The following ATP11A variants were observed in gnomAD, a reference collection of about 807,000 sequenced individuals.
The protein encoded by ATP11A is ATPase phospholipid transporting 11A, also known as phospholipid-transporting ATPase IH.
Under a neutral mutation model 154.4 loss-of-function variants are expected in ATP11A, and 81 were observed. The ratio of observed to expected loss-of-function variants is 0.52; its 90% CI spans 0.44 to 0.63. The LOEUF is 0.63. Ranked by LOEUF, ATP11A falls within the 30% of genes least tolerant of loss-of-function variation. The probability of loss-of-function intolerance (pLI) is 0.00; values close to 1 mark genes in which losing one functional copy is unlikely to be tolerated. For missense variants in ATP11A, 1,316 were observed against 1,474.3 expected, an observed-to-expected ratio of 0.89 and a Z score of 1.76; for synonymous variants, 623 against 585.9, an observed-to-expected ratio of 1.06 and a Z score of -0.91.
intron 4 of ATP11A, among the ~76,000 whole-genome samples, chr13:112,809,326 A>T (rs2078420014): frequency 6.6e-6 from 1 of 152,140 alleles, no homozygotes; most frequent in South Asian, 2.1e-4. Flanking sequence ...GCACGTTTGG[A>T]TATCCATGCG....
In ATP11A at chr13:112,784,242, G is replaced by C. The variant is rs533604192; in HGVS notation, c.40-893G>C. On this transcript the variant is annotated intron_variant, in intron 1 of 29. Coordinates refer to ENST00000375645, the MANE Select transcript of ATP11A (RefSeq NM_015205.3). ...TAGGAGAAGGATGTAACTTGTAGGC[G>C]ATCGGGTCATTGCCATGGAAAGGGG... Among the ~76,000 whole-genome samples, 5 of 152,334 alleles carry C rather than the reference G, an allele frequency of 3.3e-5. No individual in the cohort carries two copies. The South Asian group carries it at 1.0e-3, about 32-fold the overall frequency.
rs763441903 is a variant in ATP11A, at chr13:112,819,991, T to C, written c.725+41T>C. The C allele has an allele frequency of 1.6e-5, 24 of 1,527,776 alleles. 1 individual carries two copies. The highest frequency in any genetic ancestry group is 6.3e-5 in the Admixed American group (3 of 47,666). The allele number at this position is 1,527,776 out of a possible 1,614,324, so 94.6% of individuals were successfully genotyped here. On this transcript the variant is annotated intron_variant, in intron 8 of 29. Transcript: ENST00000375645. ...GATGCCTTGGCCACGGTCACCTCCC[T>C]TGTTGCGTTAGAAATGCATTCTTTG...
rs150048643 is a variant in ATP11A at position 112,874,721 on chromosome 13, C to A, written c.3161+1045C>A. Among the ~76,000 whole-genome samples the A allele has an allele frequency of 4.9e-3, 741 of 152,310 alleles. 3 individuals are homozygous for A. Among genetic ancestry groups the A allele is most frequent in the African/African-American group, 0.017 (695 of 41,574 alleles). On this transcript the variant is annotated intron_variant, in intron 27 of 29. Coordinates refer to ENST00000375645, the MANE Select transcript of ATP11A (RefSeq NM_015205.3). ...GTGGCCCCAAGTTGCATTACACAGT[C>A]TCAGAGATGACAGCCCAGCTTGGAG... is the stretch of plus-strand genomic sequence containing the variant.
chr13:112,770,955 C>T (rs1243509256), intron 1 of ATP11A, among the ~76,000 whole-genome samples: 2 of 152,166 alleles, frequency 1.3e-5, no homozygotes, highest in African/African-American at 4.8e-5. Context: ...GGAGAATCGC[C>T]CTGTAAACAT....
Position 112,860,352 on chromosome 13 carries a change from G to C in ATP11A, c.2793G>C (p.Leu931=), listed in dbSNP as rs2080065811. 5 of 1,614,106 alleles carry C rather than the reference G, an allele frequency of 3.1e-6. No individual in the cohort carries two copies. Among genetic ancestry groups the C allele is most frequent in the Non-Finnish European group, 4.2e-6 (5 of 1,180,018 alleles). ...GCTTCACCTCCCTCCCCATCCTCCT[G>C]TACAGCCTCATGGAGCAGCATGTTG... ...NISFTSLPIL[L]YSLMEQHVGI... Residue 931 remains leucine (L), a synonymous_variant, in exon 24 of 30, where the codon CTG becomes CTC. Transcript: ENST00000375645.
intron 1 of ATP11A, among the ~76,000 whole-genome samples, chr13:112,731,171 G>A (rs1237123986): frequency 6.6e-6 from 1 of 151,960 alleles, no homozygotes; most frequent in Non-Finnish European, 1.5e-5. Context: ...CTGACCTCCA[G>A]TGATCCACCC....
intron 9 of ATP11A, among the ~76,000 whole-genome samples, chr13:112,823,881 C>T (rs1267454733): frequency 1.3e-5 from 2 of 152,206 alleles, no homozygotes; most frequent in African/African-American, 4.8e-5. Context: ...TCCACGGATG[C>T]CCAAGGCCCT....
chr13:112,871,587 G>T, intron 25 of ATP11A, 148 bp from the exon 26 acceptor site: 1 of 727,114 alleles, frequency 1.4e-6, no homozygotes. Flanking sequence ...TCTTTTACGG[G>T]ATAATAAGAA....
chr13:112,842,004 A>G (rs972759636), intron 16 of ATP11A, among the ~76,000 whole-genome samples: 5 of 152,204 alleles, frequency 3.3e-5, no homozygotes, highest in African/African-American at 4.8e-5. Flanking sequence ...TGTCTTTCCC[A>G]GAGAAAAAAC....
chr13:112,804,781 CTTTG>C (rs1393809945), intron 2 of ATP11A, among the ~76,000 whole-genome samples, 172 bp from the exon 3 acceptor site: 1 of 152,128 alleles, frequency 6.6e-6, no homozygotes, highest in Non-Finnish European at 1.5e-5. Flanking sequence ...AGAGTACACA[CTTTG>C]TTTAAGCTGT....
intron 1 of ATP11A, among the ~76,000 whole-genome samples, chr13:112,698,749 ACT>A (rs5806955): frequency 0.75 from 114,362 of 151,866 alleles, 45,959 homozygotes; most frequent in South Asian, 0.93. Context: ...ACAAGGTCTC[ACT>A]CTGTCACCCA....
At chr13:112,773,073 C>G (rs1566459963) in intron 1 of ATP11A, among the ~76,000 whole-genome samples, 1 of 152,146 alleles carries the variant, frequency 6.6e-6, no homozygotes, top group African/African-American at 2.4e-5. Context: ...GACTCAGGAG[C>G]CTCCCAGAGC....
At chr13:112,713,837 A>G (rs1459148892) in intron 1 of ATP11A, among the ~76,000 whole-genome samples, 1 of 151,356 alleles carries the variant, frequency 6.6e-6, no homozygotes, top group Non-Finnish European at 1.5e-5. Flanking sequence ...CAGGCAACCT[A>G]TTTAGGATGG....
At chr13:112,773,717 C>G (rs1566460868) in intron 1 of ATP11A, among the ~76,000 whole-genome samples, 1 of 152,252 alleles carries the variant, frequency 6.6e-6, no homozygotes, top group Admixed American at 6.5e-5. Flanking sequence ...CTCCATGCAG[C>G]CTGCAGCAGA....
At chr13:112,834,471 T>C (rs201286944) in intron 14 of ATP11A, 118 bp from the exon 15 acceptor site, 1 of 383,684 alleles carries the variant, frequency 2.6e-6, no homozygotes, top group East Asian at 3.6e-5. Context: ...TAATCTCTGT[T>C]TAACTGAAAG....
intron 12 of ATP11A, among the ~76,000 whole-genome samples, chr13:112,829,541 G>A (rs1317263144): frequency 6.6e-6 from 1 of 152,096 alleles, no homozygotes; most frequent in Non-Finnish European, 1.5e-5. Flanking sequence ...CAAATTTTAG[G>A]TATAGAGGAA....
chr13:112,727,415 C>A (rs1194775552), intron 1 of ATP11A, among the ~76,000 whole-genome samples: 1 of 152,146 alleles, frequency 6.6e-6, no homozygotes, highest in Non-Finnish European at 1.5e-5. Flanking sequence ...TTACTTTATT[C>A]AACCAGCAAT....
chr13:112,863,429 C>CA (rs2080191568), intron 25 of ATP11A, among the ~76,000 whole-genome samples: 57 of 26,634 alleles, frequency 2.1e-3, no homozygotes, highest in African/African-American at 5.4e-3. Flanking sequence ...AGTGCAGGCC[C>CA]TGCAGCTTCC....
At chr13:112,714,786 A>G (rs532233453) in intron 1 of ATP11A, among the ~76,000 whole-genome samples, 4 of 152,158 alleles carry the variant, frequency 2.6e-5, no homozygotes, top group Non-Finnish European at 5.9e-5. Context: ...TCATGGGAAA[A>G]CACACATAAC....
Sources: gnomAD v4.1 joint callset for allele counts (sites outside exome capture counted in the v4.1 genomes callset) on GRCh38, gnomAD v4.1.1 for gene constraint, MANE v1.5 for transcripts, NCBI Gene and HGNC (gene_info 2026-07-23, HGNC 2026-07-21) for gene names.